Variants in RGS7 observed in about 807,000 individuals in gnomAD.
The protein encoded by RGS7 is regulator of G protein signaling 7, also known as regulator of G-protein signaling 7.
RGS7 carries 27 observed loss-of-function variants against 81.1 expected under a neutral mutation model. The observed-to-expected ratio is 0.33, with a 90% CI of 0.25 to 0.46. The LOEUF is 0.46. Among genes scored for constraint, RGS7 ranks in the 20% least tolerant of loss-of-function variants. The pLI, the probability that RGS7 is intolerant of heterozygous loss-of-function variation, is 1.00. For synonymous variants in RGS7, 208 were observed against 207.7 expected (o/e 1.00, Z -0.01); for missense variants, 396 against 607.4 (o/e 0.65, Z 3.66).
intron 3 of RGS7, among the ~76,000 whole-genome samples, chr1:241,055,402 G>C (rs2061429242): frequency 6.6e-6 from 1 of 152,158 alleles, no homozygotes; most frequent in Non-Finnish European, 1.5e-5. Context: ...AGAATTCAGG[G>C]AAACACTTTC....
intron 2 of RGS7, among the ~76,000 whole-genome samples, chr1:241,212,719 G>C (rs2074316026): frequency 6.6e-6 from 1 of 152,146 alleles, no homozygotes; most frequent in Non-Finnish European, 1.5e-5. Flanking sequence ...TGCCCGAGGT[G>C]CCCACCTCAC....
At chr1:240,891,556 T>C (rs937227663) in intron 6 of RGS7, among the ~76,000 whole-genome samples, 8 of 152,164 alleles carry the variant, frequency 5.3e-5, no homozygotes, top group African/African-American at 1.9e-4. Context: ...TACAATGTAA[T>C]TTTATATTAA....
intron 9 of RGS7, among the ~76,000 whole-genome samples, chr1:240,845,197 T>C (rs1658845841): frequency 6.6e-6 from 1 of 152,182 alleles, no homozygotes; most frequent in Admixed American, 6.5e-5. Context: ...TTCTAAGGGA[T>C]ATTTATACCT....
At chr1:241,061,129 G>C (rs1039920676) in intron 3 of RGS7, among the ~76,000 whole-genome samples, 2 of 152,154 alleles carry the variant, frequency 1.3e-5, no homozygotes, top group African/African-American at 2.4e-5. Flanking sequence ...CCCTAGAAAA[G>C]CTGGTTACCT....
intron 6 of RGS7, among the ~76,000 whole-genome samples, chr1:240,890,599 CAAT>C (rs936357371): frequency 2.6e-5 from 4 of 151,716 alleles, no homozygotes; most frequent in East Asian, 1.9e-4. Context: ...GTAACAGCAA[CAAT>C]AATAATAATA....
chr1:241,187,122 A>G (rs1392581463), intron 2 of RGS7, among the ~76,000 whole-genome samples: 1 of 152,232 alleles, frequency 6.6e-6, no homozygotes, highest in Admixed American at 6.5e-5. Context: ...AGGACCCAGT[A>G]TAAACCTCTG....
At chr1:241,044,115 T>G (rs1389981984) in intron 3 of RGS7, among the ~76,000 whole-genome samples, 1 of 130,494 alleles carries the variant, frequency 7.7e-6, no homozygotes, top group African/African-American at 3.3e-5. Flanking sequence ...TTTTTTTGTT[T>G]TTTTTTTTTT....
intron 4 of RGS7, among the ~76,000 whole-genome samples, chr1:240,969,799 C>G (rs1310084647): frequency 6.6e-6 from 1 of 152,200 alleles, no homozygotes; most frequent in African/African-American, 2.4e-5. Context: ...AATCCCAGCT[C>G]TGCTCCTCGG....
In RGS7 at chr1:241,006,920, C is replaced by A. The variant is rs377749277; in HGVS notation, c.176-23791G>T. ...AATGCACTTTCTCTTTCTTCTTCTTCTTCTTATTATTTTTGAGATGGAGTC... is the reference window on the plus strand; with the variant it reads ...AATGCACTTTCTCTTTCTTCTTCTTATTCTTATTATTTTTGAGATGGAGTC... On this transcript the variant is annotated intron_variant, in intron 3 of 18. Transcript: ENST00000440928. Among the ~76,000 whole-genome samples the A allele has an allele frequency of 1.7e-4, 26 of 152,128 alleles. 1 individual carries two copies. Among genetic ancestry groups the A allele is most frequent in the South Asian group, 4.2e-4 (2 of 4,816 alleles).
intron 4 of RGS7, among the ~76,000 whole-genome samples, chr1:240,958,775 T>A (rs1296059643): frequency 6.6e-6 from 1 of 152,212 alleles, no homozygotes; most frequent in East Asian, 1.9e-4. Context: ...TCACTGGGTA[T>A]AATTCTGTCC....
intron 2 of RGS7, among the ~76,000 whole-genome samples, chr1:241,279,115 A>G (rs1299601597): frequency 6.6e-6 from 1 of 151,588 alleles, no homozygotes; most frequent in Non-Finnish European, 1.5e-5. Flanking sequence ...TAAATTCTTC[A>G]TAACATATAT....
At chr1:241,021,636 T>C (rs1471814918) in intron 3 of RGS7, among the ~76,000 whole-genome samples, 1 of 152,030 alleles carries the variant, frequency 6.6e-6, no homozygotes, top group Non-Finnish European at 1.5e-5. Flanking sequence ...AAACCTACTC[T>C]GGGGGGCGGT....
At chr1:240,932,152 A>G (rs2148350152) in intron 5 of RGS7, among the ~76,000 whole-genome samples, 1 of 152,322 alleles carries the variant, frequency 6.6e-6, no homozygotes, top group South Asian at 2.1e-4. Flanking sequence ...TCTCTACAGA[A>G]AAGTCTTTCC....
intron 17 of RGS7, among the ~76,000 whole-genome samples, 199 bp from the exon 18 acceptor site, chr1:240,800,920 C>T (rs1240862945): frequency 6.6e-6 from 1 of 152,058 alleles, no homozygotes; most frequent in African/African-American, 2.4e-5. Flanking sequence ...TCAACACCTT[C>T]CTGAAAAATA....
At chr1:241,171,527 GCAGA>G (rs2070734229) in intron 2 of RGS7, among the ~76,000 whole-genome samples, 2 of 152,104 alleles carry the variant, frequency 1.3e-5, no homozygotes, top group Admixed American at 6.5e-5. Context: ...AAATAAAATG[GCAGA>G]CAGTTTAGGT....
intron 2 of RGS7, among the ~76,000 whole-genome samples, chr1:241,133,288 A>G (rs987227629): frequency 6.6e-6 from 1 of 152,120 alleles, no homozygotes; most frequent in Non-Finnish European, 1.5e-5. Context: ...TCAATTTGAT[A>G]AACCACAGAG....
chr1:240,933,049 A>G (rs544093896), intron 5 of RGS7, among the ~76,000 whole-genome samples: 28 of 148,190 alleles, frequency 1.9e-4, no homozygotes, highest in Admixed American at 4.0e-4. Flanking sequence ...CGCCCGGCTA[A>G]TTTTTTGTAT....
intron 9 of RGS7, among the ~76,000 whole-genome samples, chr1:240,848,660 C>A (rs1238731624): frequency 6.8e-6 from 1 of 147,978 alleles, no homozygotes; most frequent in African/African-American, 2.5e-5. Context: ...AGAAACCTAA[C>A]AAGAAATGCA....
Position 240,998,147 on chromosome 1 carries a change from C to T in RGS7, c.176-15018G>A, listed in dbSNP as rs371630544. On this transcript the variant is annotated intron_variant, in intron 3 of 18. Transcript: ENST00000440928. The stretch of plus-strand genomic sequence containing the variant: ...TTGTGGCACTTTCTTCTGGCATCCA[C>T]GGTTTTTCTCATGAGAACGCTGCTG... 8.5e-5 allele frequency among the ~76,000 whole-genome samples: 13 copies of T among 152,244 alleles called. 2 individuals are homozygous for T. The highest frequency in any genetic ancestry group is 2.1e-4 in the South Asian group (1 of 4,822).
Sources: allele counts gnomAD v4.1 joint callset (sites outside exome capture counted in the v4.1 genomes callset), GRCh38; gene constraint gnomAD v4.1.1; transcripts MANE v1.5; gene names NCBI Gene and HGNC (gene_info 2026-07-23, HGNC 2026-07-21).